Variants in CMSS1 observed in about 807,000 individuals in gnomAD.
CMSS1 encodes the protein protein CMSS1.
In CMSS1, 33 loss-of-function variants were observed where a neutral mutation model predicts 43.5. The ratio of observed to expected loss-of-function variants is 0.76; its 90% CI spans 0.57 to 1.01. The LOEUF is 1.01. CMSS1 is among the 50% of genes least tolerant of loss of function. The pLI, the probability that CMSS1 is intolerant of heterozygous loss-of-function variation, is 0.00. For missense variants in CMSS1, 313 were observed against 326.4 expected (o/e 0.96, Z 0.32); for synonymous variants, 115 against 117.2 (o/e 0.98, Z 0.12).
At chr3:99,987,838 C>A (rs1050269169) in intron 1 of CMSS1, among the ~76,000 whole-genome samples, 2 of 152,204 alleles carry the variant, frequency 1.3e-5, no homozygotes, top group Non-Finnish European at 2.9e-5. Flanking sequence ...AAATAACATT[C>A]TAGCAGTAAA....
intron 1 of CMSS1, among the ~76,000 whole-genome samples, chr3:100,084,003 T>C (rs1489395843): frequency 3.3e-5 from 5 of 152,238 alleles, no homozygotes; most frequent in East Asian, 1.9e-4. Flanking sequence ...TTCTCCGTTA[T>C]AGTTAATTTG....
chr3:100,085,610 A>G (rs1327635905), intron 1 of CMSS1, among the ~76,000 whole-genome samples: 1 of 152,152 alleles, frequency 6.6e-6, no homozygotes, highest in Non-Finnish European at 1.5e-5. Flanking sequence ...ATGCAGGCAA[A>G]TAACATCCTC....
intron 1 of CMSS1, among the ~76,000 whole-genome samples, chr3:99,855,831 T>C (rs1289004517): frequency 6.6e-6 from 1 of 152,238 alleles, no homozygotes; most frequent in Non-Finnish European, 1.5e-5. Context: ...CATTCAATGT[T>C]TAAATAGTTG....
At chr3:99,832,422 G>C (rs1942704795) in intron 1 of CMSS1, among the ~76,000 whole-genome samples, 1 of 149,878 alleles carries the variant, frequency 6.7e-6, no homozygotes, top group Non-Finnish European at 1.5e-5. Flanking sequence ...AGTAGAGACG[G>C]GGTTTCACTG....
At chr3:100,087,652 G>A (rs6414382) in intron 1 of CMSS1, among the ~76,000 whole-genome samples, 117,484 of 151,750 alleles carry the variant, frequency 0.77, 46,071 homozygotes, top group East Asian at 0.88. Flanking sequence ...TATAACTTGC[G>A]AGTTTTTTTC....
chr3:100,109,087 TAA>T (rs5851196), intron 1 of CMSS1, among the ~76,000 whole-genome samples: 2,204 of 144,778 alleles, frequency 0.015, 25 homozygotes, highest in African/African-American at 0.033. Flanking sequence ...AACTGTCTCT[TAA>T]AAAAAAAAAA....
chr3:100,168,589 A>G (rs1185788802), intron 6 of CMSS1, among the ~76,000 whole-genome samples: 1 of 152,138 alleles, frequency 6.6e-6, no homozygotes, highest in African/African-American at 2.4e-5. Context: ...TGTACAGACA[A>G]CATCATCTAA....
intron 1 of CMSS1, among the ~76,000 whole-genome samples, chr3:99,867,614 T>A (rs1434599765): frequency 6.6e-6 from 1 of 152,168 alleles, no homozygotes; most frequent in Non-Finnish European, 1.5e-5. Flanking sequence ...CTTGTCACCT[T>A]AGCTGCAACA....
chr3:99,842,914 T>C (rs765217307), intron 1 of CMSS1, among the ~76,000 whole-genome samples: 3 of 152,222 alleles, frequency 2.0e-5, no homozygotes, highest in Non-Finnish European at 4.4e-5. Flanking sequence ...TCAAGATTCC[T>C]TACCCTACAG....
At chr3:99,849,302 C>A (rs766486139) in intron 1 of CMSS1, 1 of 1,613,962 alleles carries the variant, frequency 6.2e-7, no homozygotes, top group East Asian at 2.2e-5. Context: ...ACTTGAGGAT[C>A]GGAAATTCTT....
intron 1 of CMSS1, among the ~76,000 whole-genome samples, chr3:99,831,627 C>G (rs1461301653): frequency 6.6e-6 from 1 of 152,140 alleles, no homozygotes; most frequent in Non-Finnish European, 1.5e-5. Flanking sequence ...ATAGCCTTCC[C>G]AAGATGGATT....
chr3:99,862,020 C>T (rs891851052), intron 1 of CMSS1, among the ~76,000 whole-genome samples: 1 of 152,044 alleles, frequency 6.6e-6, no homozygotes, highest in Non-Finnish European at 1.5e-5. Flanking sequence ...GTGCCTGGCA[C>T]AATACATGTC....
chr3:99,892,650 G>A (rs182357987), intron 1 of CMSS1, among the ~76,000 whole-genome samples: 2 of 152,156 alleles, frequency 1.3e-5, no homozygotes, highest in African/African-American at 2.4e-5. Context: ...AGGTGGAGAA[G>A]GTGCCATCTC....
intron 1 of CMSS1, among the ~76,000 whole-genome samples, chr3:99,976,458 GCAGCCAAACTACTACT>G (rs1482044163): frequency 4.6e-5 from 7 of 152,106 alleles, no homozygotes; most frequent in Non-Finnish European, 1.0e-4. Flanking sequence ...CAAGAGAATT[GCAGCCAAACTACTACT>G]AGTAGGACCC....
intron 1 of CMSS1, among the ~76,000 whole-genome samples, chr3:99,855,603 C>A (rs146491999): frequency 3.9e-5 from 6 of 152,328 alleles, no homozygotes; most frequent in African/African-American, 1.4e-4. Context: ...CAAACCATTG[C>A]ATAGGGCTGG....
intron 1 of CMSS1, chr3:99,849,900 A>G: frequency 5.0e-6 from 8 of 1,612,010 alleles, no homozygotes; most frequent in Non-Finnish European, 6.8e-6. Context: ...CCAATGATTG[A>G]AGCCTATTTT....
At chr3:99,916,262 A>G (rs1706946149) in intron 1 of CMSS1, among the ~76,000 whole-genome samples, 1 of 151,862 alleles carries the variant, frequency 6.6e-6, no homozygotes, top group African/African-American at 2.4e-5. Flanking sequence ...TGTCCTTGCC[A>G]CTCCTGATTC....
chr3:100,066,714 G>A (rs2065671498), intron 1 of CMSS1, among the ~76,000 whole-genome samples: 3 of 135,552 alleles, frequency 2.2e-5, no homozygotes, highest in Non-Finnish European at 4.9e-5. Context: ...TGTATTTTTA[G>A]TAGAGACGGG....
At chr3:99,878,488 C>T (rs999883505) in intron 1 of CMSS1, among the ~76,000 whole-genome samples, 4 of 152,220 alleles carry the variant, frequency 2.6e-5, no homozygotes, top group African/African-American at 9.7e-5. Flanking sequence ...TAGCCTTCTT[C>T]TACATAAATA....
Sources: allele counts gnomAD v4.1 joint callset (sites outside exome capture counted in the v4.1 genomes callset), GRCh38; gene constraint gnomAD v4.1.1; transcripts MANE v1.5; gene names NCBI Gene and HGNC (gene_info 2026-07-23, HGNC 2026-07-21).